ADAM12: variants seen among roughly 807,000 people sequenced by gnomAD.
The protein encoded by ADAM12 is disintegrin and metalloproteinase domain-containing protein 12.
ADAM12 carries 70 observed loss-of-function variants against 106.4 expected under a neutral mutation model. That is an observed-to-expected ratio of 0.66 (90% confidence interval 0.54 to 0.80). ADAM12 has a LOEUF of 0.80. Ranked by LOEUF, ADAM12 falls within the 30% of genes least tolerant of loss-of-function variation. The pLI is 0.00. For missense variants in ADAM12, 1,010 were observed against 1,171.9 expected, an observed-to-expected ratio of 0.86 and a Z score of 2.02; for synonymous variants, 420 against 433.5, an observed-to-expected ratio of 0.97 and a Z score of 0.39.
intron 3 of ADAM12, among the ~76,000 whole-genome samples, chr10:126,256,813 T>C (rs1958900526): frequency 6.6e-6 from 1 of 152,208 alleles, no homozygotes; most frequent in Non-Finnish European, 1.5e-5. Context: ...CAGAAATCTC[T>C]TTTATATTAA....
chr10:126,210,970 A>G (rs1202399882), intron 3 of ADAM12, among the ~76,000 whole-genome samples: 1 of 151,822 alleles, frequency 6.6e-6, no homozygotes, highest in Non-Finnish European at 1.5e-5. Context: ...CCTTTTTCCT[A>G]TTTTCAATCT....
chr10:126,128,428 C>A (rs1278288086), intron 5 of ADAM12, among the ~76,000 whole-genome samples: 1 of 152,224 alleles, frequency 6.6e-6, no homozygotes, highest in Non-Finnish European at 1.5e-5. Flanking sequence ...ACAATAACAT[C>A]TGCCCCATTC....
chr10:126,265,165 C>T (rs1272823910), intron 3 of ADAM12, among the ~76,000 whole-genome samples: 2 of 152,122 alleles, frequency 1.3e-5, no homozygotes, highest in Non-Finnish European at 1.5e-5. Context: ...CAGCATATCA[C>T]CAAATGTGAG....
intron 2 of ADAM12, among the ~76,000 whole-genome samples, chr10:126,314,960 G>T (rs1853806087): frequency 6.6e-6 from 1 of 152,152 alleles, no homozygotes; most frequent in Non-Finnish European, 1.5e-5. Context: ...CAGAAGCTAG[G>T]ACTGGTAAGG....
intron 3 of ADAM12, among the ~76,000 whole-genome samples, chr10:126,203,569 C>T (rs1957739665): frequency 6.6e-6 from 1 of 152,134 alleles, no homozygotes; most frequent in Non-Finnish European, 1.5e-5. Flanking sequence ...GGCATAAACT[C>T]TATCAAAGCA....
At chr10:126,104,204 C>T (rs1181118648) in intron 8 of ADAM12, among the ~76,000 whole-genome samples, 1 of 152,130 alleles carries the variant, frequency 6.6e-6, no homozygotes. Context: ...AATCCCGGCA[C>T]TTTGGGAGGC....
chr10:126,056,162 G>A (rs150307784), intron 14 of ADAM12, among the ~76,000 whole-genome samples: 82 of 152,232 alleles, frequency 5.4e-4, no homozygotes, highest in African/African-American at 1.7e-3. Flanking sequence ...AGGCAATAAC[G>A]GTCACCTTCT....
At chr10:126,207,109 G>T (rs1444009182) in intron 3 of ADAM12, among the ~76,000 whole-genome samples, 1 of 152,122 alleles carries the variant, frequency 6.6e-6, no homozygotes, top group African/African-American at 2.4e-5. Flanking sequence ...GTCCAGTCTT[G>T]GGTATGTCTT....
chr10:126,108,585 G>T lies in ADAM12; in HGVS notation c.741+8C>A. 1.9e-6 allele frequency: 3 copies of T among 1,611,946 alleles called. No homozygotes were observed. Among genetic ancestry groups the T allele is most frequent in the Non-Finnish European group, 2.5e-6 (3 of 1,178,032 alleles). On this transcript the variant is annotated splice_region_variant and intron_variant, in intron 8 of 22. Transcript: ENST00000448723. ...TCTGAATGATTTAACTACTGAAAAA[G>T]AACTTACCTTGTCAACGTGATTAGC...
intron 5 of ADAM12, among the ~76,000 whole-genome samples, chr10:126,119,801 T>C (rs1432375977): frequency 6.6e-6 from 1 of 152,212 alleles, no homozygotes; most frequent in African/African-American, 2.4e-5. Context: ...AAATGAGTAA[T>C]GCTAGCCTTG....
chr10:126,289,545 T>A (rs1239591932), intron 2 of ADAM12, among the ~76,000 whole-genome samples: 2 of 152,142 alleles, frequency 1.3e-5, no homozygotes, highest in Non-Finnish European at 2.9e-5. Flanking sequence ...TAGGCTGGGT[T>A]CCAAGACCCA....
chr10:126,276,452 C>T (rs1194814591), intron 3 of ADAM12, among the ~76,000 whole-genome samples: 1 of 152,186 alleles, frequency 6.6e-6, no homozygotes, highest in Non-Finnish European at 1.5e-5. Context: ...AAGCATTTCA[C>T]TCTACTTGAT....
chr10:126,041,627 A>G (rs1004163026), intron 18 of ADAM12: 25 of 986,904 alleles, frequency 2.5e-5, no homozygotes, highest in Non-Finnish European at 3.0e-5. Context: ...GGTCTCTGAT[A>G]AATTAAAAAC....
At chr10:126,310,355 T>G (rs1265321348) in intron 2 of ADAM12, among the ~76,000 whole-genome samples, 1 of 152,014 alleles carries the variant, frequency 6.6e-6, no homozygotes, top group East Asian at 1.9e-4. Context: ...AGGCAAAACC[T>G]GGGACCAAGA....
intron 3 of ADAM12, among the ~76,000 whole-genome samples, chr10:126,169,108 C>T (rs1288601206): frequency 6.6e-6 from 1 of 152,146 alleles, no homozygotes; most frequent in Non-Finnish European, 1.5e-5. Flanking sequence ...AGGCCCACCC[C>T]CTCTACCTGC....
At chr10:126,072,331 C>G (rs966205678) in intron 11 of ADAM12, among the ~76,000 whole-genome samples, 12 of 152,166 alleles carry the variant, frequency 7.9e-5, no homozygotes, top group African/African-American at 2.9e-4. Flanking sequence ...CAAAGTTATG[C>G]TCCCCTTCTG....
intron 3 of ADAM12, among the ~76,000 whole-genome samples, chr10:126,219,056 A>G (rs756894854): frequency 2.0e-4 from 31 of 152,220 alleles, no homozygotes; most frequent in Non-Finnish European, 3.5e-4. Context: ...GCAGTAACTA[A>G]CAGGGCCAGA....
intron 4 of ADAM12, among the ~76,000 whole-genome samples, chr10:126,137,635 C>T (rs1201032388): frequency 6.6e-6 from 1 of 152,192 alleles, no homozygotes; most frequent in African/African-American, 2.4e-5. Flanking sequence ...TGGAATCATA[C>T]AATAAGTGCC....
intron 3 of ADAM12, among the ~76,000 whole-genome samples, chr10:126,200,003 A>G (rs929169312): frequency 6.6e-6 from 1 of 152,238 alleles, no homozygotes; most frequent in Non-Finnish European, 1.5e-5. Flanking sequence ...TATATAGTCC[A>G]TCAACAGAAG....
Sources: allele counts gnomAD v4.1 joint callset (sites outside exome capture counted in the v4.1 genomes callset), GRCh38; gene constraint gnomAD v4.1.1; transcripts MANE v1.5; gene names NCBI Gene and HGNC (gene_info 2026-07-23, HGNC 2026-07-21).